RNMT: variants seen among roughly 807,000 people sequenced by gnomAD.
RNMT encodes the protein RNA guanine-7 methyltransferase.
Under a neutral mutation model 56.0 loss-of-function variants are expected in RNMT, and 27 were observed. The ratio of observed to expected loss-of-function variants is 0.48; its 90% confidence interval spans 0.36 to 0.67. The LOEUF is 0.67. Ranked by LOEUF, RNMT falls within the 30% of genes least tolerant of loss-of-function variation. RNMT has a pLI of 0.00. For missense variants in RNMT, 519 were observed against 552.1 expected, an observed-to-expected ratio of 0.94 and a Z score of 0.60; for synonymous variants, 184 against 176.2, an observed-to-expected ratio of 1.04 and a Z score of -0.35.
chr18:13,734,099 C>T (rs932664828), intron 3 of RNMT, among the ~76,000 whole-genome samples: 34 of 152,150 alleles, frequency 2.2e-4, no homozygotes, highest in Admixed American at 5.9e-4. Context: ...GGGGTTTCCC[C>T]TTTTACTTGG....
chr18:13,732,013 T>G, intron 3 of RNMT, 79 bp downstream of exon 3: 3 of 1,135,984 alleles, frequency 2.6e-6, no homozygotes, highest in Non-Finnish European at 3.8e-6. Context: ...TTCATACTGG[T>G]TTTTACATAA....
At position 13,762,460 on chromosome 18, in the gene RNMT, GTACC is replaced by G; in HGVS notation, c.*2482_*2485del. 3.5e-6 allele frequency: 1 copy of G among 284,878 alleles called. No homozygotes were observed. Among genetic ancestry groups the G allele is most frequent in the South Asian group, 5.6e-5 (1 of 17,974 alleles). The allele number at this position is 284,878 out of a possible 1,614,324, so 17.6% of individuals were successfully genotyped here. Reference sequence around the variant, plus strand: ...CAGGCTTGGCCCTGCTGTGCCTTCAGTACCCAGCCAGGTTCTCTGGGTCCAGGGT... The same window carrying G: ...CAGGCTTGGCCCTGCTGTGCCTTCAGCAGCCAGGTTCTCTGGGTCCAGGGT... On this transcript the variant is annotated 3_prime_UTR_variant, in exon 12 of 12. Coordinates refer to ENST00000383314, the MANE Select transcript of RNMT (RefSeq NM_003799.3).
Position 13,736,049 on chromosome 18 carries a change from CCT to C in RNMT, c.554-955_554-954del, listed in dbSNP as rs147143134. Among the ~76,000 whole-genome samples the C allele has an allele frequency of 9.3e-4, 142 of 152,210 alleles. 1 individual carries two copies. In the East Asian group the frequency reaches 0.024, roughly 25 times the overall value. On this transcript the variant is annotated intron_variant, in intron 4 of 11. Transcript: ENST00000383314. ...TTTTGAAATTGTTTCTTGATGATTT[CCT>C]CTCTCGTTAGTCTTACTGTATATAA...
chr18:13,762,207 CG>C lies in RNMT; in HGVS notation c.*2230del, dbSNP rs1568519055. On this transcript the variant is annotated 3_prime_UTR_variant, in exon 12 of 12. Transcript: ENST00000383314. The stretch of plus-strand genomic sequence containing the variant: ...CCTAACCAGCTATTGGTGGGAATGA[CG>C]GAACTGGGGATTGCGATGATTGATC... 4 of 1,486,490 alleles carry C rather than the reference CG, an allele frequency of 2.7e-6. No individual in the cohort carries two copies. Among genetic ancestry groups the C allele is most frequent in the Non-Finnish European group, 3.6e-6 (4 of 1,119,656 alleles). The allele number at this position is 1,486,490 out of a possible 1,614,324, so 92.1% of individuals were successfully genotyped here.
chr18:13,730,449 T>C (rs1343201092), intron 1 of RNMT, 178 bp from the exon 2 acceptor site: 5 of 152,228 alleles, frequency 3.3e-5, no homozygotes, highest in Non-Finnish European at 5.9e-5. Context: ...ATGCCCTTAG[T>C]GTCCATAGGC....
At position 13,731,729 on chromosome 18, in the gene RNMT, C is replaced by A. The variant is rs746089526; in HGVS notation, c.212C>A (p.Ser71Tyr). The stretch of plus-strand genomic sequence containing the variant: ...GAAGATGATCTTGTAAAGGAAAGTT[C>A]TAGTTGTGGGAAAGACACTCCATCC... ...EFEDDLVKES[S>Y]SCGKDTPSKK... is the part of the protein sequence containing the mutation. The change falls in exon 3 of 12, where the codon TCT (serine) becomes TAT (tyrosine). Residue 71 changes from serine (S) to tyrosine (Y), a missense_variant. Ser to Tyr is a moderately radical substitution (Grantham distance 144, BLOSUM62 -2). Transcript: ENST00000383314. 1 of 1,613,286 alleles carries A rather than the reference C, an allele frequency of 6.2e-7. No individual in the cohort carries two copies. The highest frequency in any genetic ancestry group is 8.5e-7 in the Non-Finnish European group (1 of 1,179,842).
At position 13,763,884 on chromosome 18, in the gene RNMT, A is replaced by G. The variant is rs1437308772; in HGVS notation, c.*3905A>G. On this transcript the variant is annotated 3_prime_UTR_variant, in exon 12 of 12. Coordinates refer to ENST00000383314, the MANE Select transcript of RNMT (RefSeq NM_003799.3). ...TGGTTCAAAACGTTGATACTTACTT[A>G]GATGTTCCCTGAGAGGAGTGTTTAT... The G allele has an allele frequency of 6.6e-6, 1 of 152,306 alleles. No homozygotes were observed. Among genetic ancestry groups the G allele is most frequent in the Non-Finnish European group, 1.5e-5 (1 of 68,140 alleles). The allele number at this position is 152,306 out of a possible 1,614,324, so 9.4% of individuals were successfully genotyped here.
Position 13,761,865 on chromosome 18 carries a change from G to GCCCCCAA in RNMT, c.*1890_*1891insCAACCCC. 1.6e-6 allele frequency: 1 copy of GCCCCCAA among 628,476 alleles called. No homozygotes were observed. Among genetic ancestry groups the GCCCCCAA allele is most frequent in the South Asian group, 6.0e-5 (1 of 16,546 alleles). The allele number at this position is 628,476 out of a possible 1,614,324, so 38.9% of individuals were successfully genotyped here. A position where few individuals can be genotyped will look rare whatever the true frequency, so the allele number is the denominator to read the frequency against. On this transcript the variant is annotated 3_prime_UTR_variant, in exon 12 of 12. Coordinates refer to ENST00000383314, the MANE Select transcript of RNMT (RefSeq NM_003799.3). Reference sequence around the variant, plus strand: ...TACACCCCCCTCCCCCCGGCCCCAAGCCCCTGTGTCTCCTTGTTACAATTA... The same window carrying GCCCCCAA: ...TACACCCCCCTCCCCCCGGCCCCAAGCCCCCAACCCCTGTGTCTCCTTGTTACAATTA...
At chr18:13,758,726 T>G (rs1212561083) in intron 11 of RNMT, among the ~76,000 whole-genome samples, 1 of 152,198 alleles carries the variant, frequency 6.6e-6, no homozygotes, top group Non-Finnish European at 1.5e-5. Context: ...TTTAAGAACT[T>G]TTCCTTTGCA....
intron 9 of RNMT, among the ~76,000 whole-genome samples, chr18:13,748,122 A>G (rs1423514248): frequency 1.3e-5 from 2 of 152,220 alleles, no homozygotes; most frequent in Admixed American, 6.5e-5. Flanking sequence ...TGCAGTGAGT[A>G]TATAAAGGGC....
intron 11 of RNMT, among the ~76,000 whole-genome samples, chr18:13,755,686 T>TA (rs1402137105): frequency 6.6e-6 from 1 of 152,206 alleles, no homozygotes; most frequent in Non-Finnish European, 1.5e-5. Context: ...GTTATACACA[T>TA]ACGATCATGC....
Position 13,730,739 on chromosome 18 carries a change from C to T in RNMT, c.-59C>T, listed in dbSNP as rs2044052519. The T allele has an allele frequency of 6.6e-6, 1 of 152,226 alleles. No individual in the cohort carries two copies. The highest frequency in any genetic ancestry group is 1.5e-5 in the Non-Finnish European group (1 of 68,044). 9.4% of individuals were successfully genotyped at this position (152,226 alleles called of 1,614,324 possible). On this transcript the variant is annotated 5_prime_UTR_variant, in exon 2 of 12. Coordinates refer to ENST00000383314, the MANE Select transcript of RNMT (RefSeq NM_003799.3). ...TTCTGTGATACCAAAATCTCAGCTT[C>T]ACAAAGTCATTGAAAGGTATGTAGT...
At chr18:13,745,169 G>A (rs1253755708) in intron 8 of RNMT, among the ~76,000 whole-genome samples, 1 of 152,142 alleles carries the variant, frequency 6.6e-6, no homozygotes, top group Non-Finnish European at 1.5e-5. Context: ...CTTTACAGAT[G>A]AATGTCTTCG....
chr18:13,732,999 G>C (rs371610595), intron 3 of RNMT, among the ~76,000 whole-genome samples: 15 of 151,986 alleles, frequency 9.9e-5, no homozygotes, highest in African/African-American at 3.6e-4. Flanking sequence ...CTGACCTTGT[G>C]ATCTGCCCAC....
rs199768817 is a variant in RNMT at position 13,731,521 on chromosome 18, G to A, written c.4G>A (p.Ala2Thr). 2.6e-4 allele frequency: 406 copies of A among 1,584,576 alleles called. No individual in the cohort carries two copies. Among genetic ancestry groups the A allele is most frequent in the Non-Finnish European group, 3.3e-4 (390 of 1,167,970 alleles). The change falls in exon 3 of 12, where the codon GCA becomes ACA. Residue 2 changes from alanine to threonine, a missense_variant. Transcript: ENST00000383314. The part of the protein sequence containing the change: M[A>T]NSAKAEEYEK... ...CCATCAATTCAAGTAATCATAAATG[G>A]CAAATTCTGCAAAAGCAGAAGAATA...
intron 3 of RNMT, among the ~76,000 whole-genome samples, chr18:13,734,040 C>A (rs981335467): frequency 6.6e-6 from 1 of 152,162 alleles, no homozygotes; most frequent in East Asian, 1.9e-4. Context: ...GTTCCCCATA[C>A]TTTTCTCATG....
intron 1 of RNMT, among the ~76,000 whole-genome samples, chr18:13,727,864 G>T (rs1231703862): frequency 1.3e-5 from 2 of 152,086 alleles, no homozygotes; most frequent in African/African-American, 2.4e-5. Context: ...CATGTGCCTG[G>T]CTTATTTCAG....
Position 13,752,311 on chromosome 18 carries a change from C to G in RNMT, c.1258-15C>G, listed in dbSNP as rs762287004. 6.5e-6 allele frequency: 10 copies of G among 1,541,856 alleles called. No homozygotes were observed. The highest frequency in any genetic ancestry group is 1.7e-4 in the Middle Eastern group (1 of 5,922). On this transcript the variant is annotated splice_polypyrimidine_tract_variant and intron_variant, in intron 9 of 11. Transcript: ENST00000383314. Reference sequence around the variant, plus strand: ...TTTCCGTTATTGTAACTAGGACTTTCATTTCTTTCCCCAGCCATATCCTGC... The same window carrying G: ...TTTCCGTTATTGTAACTAGGACTTTGATTTCTTTCCCCAGCCATATCCTGC...
At chr18:13,735,500 C>CTT (rs5823269) in intron 4 of RNMT, among the ~76,000 whole-genome samples, 109,969 of 138,192 alleles carry the variant, frequency 0.8, 44,375 homozygotes, top group East Asian at 0.94. Context: ...TGAGTGTTCA[C>CTT]TTTTTTTTTT....
Sources: gnomAD v4.1 joint callset for allele counts (sites outside exome capture counted in the v4.1 genomes callset) on GRCh38, gnomAD v4.1.1 for gene constraint, MANE v1.5 for transcripts, NCBI Gene and HGNC (gene_info 2026-07-23, HGNC 2026-07-21) for gene names.